The following CCDC85A variants were observed in gnomAD, a reference collection of about 807,000 sequenced individuals.
The protein encoded by CCDC85A is coiled-coil domain-containing protein 85A.
In CCDC85A, 38 loss-of-function variants were observed where a neutral mutation model predicts 50.2. The ratio of observed to expected loss-of-function variants is 0.76; its 90% CI spans 0.58 to 0.99. The LOEUF (loss-of-function observed/expected upper bound fraction) is 0.99, where lower values mean the gene tolerates loss of function less well. Among genes scored for constraint, CCDC85A ranks in the 50% least tolerant of loss-of-function variants. The probability of loss-of-function intolerance (pLI) is 0.00; values close to 1 mark genes in which losing one functional copy is unlikely to be tolerated. For missense variants in CCDC85A, 820 were observed against 742.0 expected, an observed-to-expected ratio of 1.11 and a Z score of -1.22; for synonymous variants, 366 against 301.4, an observed-to-expected ratio of 1.21 and a Z score of -2.22.
At chr2:56,308,612 A>G (rs1454682275) in intron 2 of CCDC85A, among the ~76,000 whole-genome samples, 3 of 152,186 alleles carry the variant, frequency 2.0e-5, no homozygotes, top group East Asian at 1.9e-4. Context: ...CCTACCTTGA[A>G]TATTTGTTGG....
chr2:56,209,720 T>G (rs943852880), intron 2 of CCDC85A, among the ~76,000 whole-genome samples: 1 of 152,112 alleles, frequency 6.6e-6, no homozygotes. Context: ...CAAAATACAG[T>G]GTAAGGGAAG....
At chr2:56,352,046 G>GA (rs1267134770) in intron 3 of CCDC85A, among the ~76,000 whole-genome samples, 2 of 152,110 alleles carry the variant, frequency 1.3e-5, no homozygotes, top group Admixed American at 1.3e-4. Context: ...GTAAGGAAGG[G>GA]ATCCAGTTCC....
intron 2 of CCDC85A, among the ~76,000 whole-genome samples, chr2:56,216,816 T>C (rs1677414048): frequency 6.6e-6 from 1 of 151,746 alleles, no homozygotes; most frequent in Non-Finnish European, 1.5e-5. Context: ...GAGAACTATT[T>C]GCCTGAAATT....
intron 2 of CCDC85A, among the ~76,000 whole-genome samples, chr2:56,268,266 TG>T (rs950847470): frequency 6.6e-6 from 1 of 152,092 alleles, no homozygotes; most frequent in African/African-American, 2.4e-5. Context: ...TCAGGTTTCA[TG>T]GGGCTTGAAA....
chr2:56,301,079 C>T (rs1347437595), intron 2 of CCDC85A, among the ~76,000 whole-genome samples: 2 of 152,082 alleles, frequency 1.3e-5, no homozygotes, highest in African/African-American at 2.4e-5. Context: ...TAAATTTGCA[C>T]CTGAAATATT....
intron 2 of CCDC85A, among the ~76,000 whole-genome samples, chr2:56,336,057 G>A (rs1312111132): frequency 1.3e-5 from 2 of 152,096 alleles, no homozygotes; most frequent in African/African-American, 4.8e-5. Context: ...CCAACACAGA[G>A]ACTAATTCTT....
At chr2:56,381,531 C>A (rs910080398) in intron 5 of CCDC85A, among the ~76,000 whole-genome samples, 14 of 152,044 alleles carry the variant, frequency 9.2e-5, no homozygotes, top group African/African-American at 2.9e-4. Flanking sequence ...AACCCGAACA[C>A]TCTAATTCTA....
chr2:56,273,229 A>G (rs1027277287), intron 2 of CCDC85A, among the ~76,000 whole-genome samples: 1 of 152,144 alleles, frequency 6.6e-6, no homozygotes, highest in Non-Finnish European at 1.5e-5. Context: ...CGGATCTAAT[A>G]TGAATTCTAG....
At chr2:56,320,330 A>G (rs1389116432) in intron 2 of CCDC85A, among the ~76,000 whole-genome samples, 5 of 152,150 alleles carry the variant, frequency 3.3e-5, no homozygotes, top group Admixed American at 3.3e-4. Flanking sequence ...AAACCCTTCA[A>G]AAAAATCAAT....
At chr2:56,249,840 C>A (rs1219123826) in intron 2 of CCDC85A, among the ~76,000 whole-genome samples, 1 of 152,154 alleles carries the variant, frequency 6.6e-6, no homozygotes, top group Non-Finnish European at 1.5e-5. Context: ...CCTTCAGATG[C>A]CCCTTCCTCT....
intron 3 of CCDC85A, among the ~76,000 whole-genome samples, chr2:56,371,262 C>T (rs1372201325): frequency 1.3e-5 from 2 of 152,102 alleles, no homozygotes; most frequent in Non-Finnish European, 2.9e-5. Context: ...GTACCAACTA[C>T]TGGTCATTAT....
At chr2:56,252,835 G>T (rs1219265544) in intron 2 of CCDC85A, among the ~76,000 whole-genome samples, 1 of 151,928 alleles carries the variant, frequency 6.6e-6, no homozygotes, top group Non-Finnish European at 1.5e-5. Flanking sequence ...GAGAATGATG[G>T]TTTCCAGCTT....
chr2:56,205,909 G>A (rs144895730), intron 2 of CCDC85A, among the ~76,000 whole-genome samples: 2 of 152,290 alleles, frequency 1.3e-5, no homozygotes, highest in East Asian at 1.9e-4. Flanking sequence ...GTGAGCCTGG[G>A]AGATGGGTCA....
At chr2:56,236,509 G>A (rs960168040) in intron 2 of CCDC85A, among the ~76,000 whole-genome samples, 1 of 152,172 alleles carries the variant, frequency 6.6e-6, no homozygotes, top group Non-Finnish European at 1.5e-5. Context: ...TGCTGCACAG[G>A]GAAGAGGAAG....
chr2:56,280,945 T>G (rs1183347845), intron 2 of CCDC85A, among the ~76,000 whole-genome samples: 3 of 152,204 alleles, frequency 2.0e-5, no homozygotes, highest in African/African-American at 7.2e-5. Flanking sequence ...CTTACTTTTT[T>G]TAGGTGAAAT....
chr2:56,363,870 G>A (rs1204480560), intron 3 of CCDC85A, among the ~76,000 whole-genome samples: 5 of 152,098 alleles, frequency 3.3e-5, no homozygotes, highest in Non-Finnish European at 5.9e-5. Context: ...CTTACGCTCC[G>A]TGTCCTACTT....
intron 3 of CCDC85A, among the ~76,000 whole-genome samples, chr2:56,362,138 G>A (rs964286271): frequency 6.6e-6 from 1 of 152,170 alleles, no homozygotes; most frequent in Non-Finnish European, 1.5e-5. Flanking sequence ...AGACTATGCA[G>A]TGAATGGCAG....
chr2:56,366,333 CT>C lies in CCDC85A; in HGVS notation c.1318-6010del, dbSNP rs144680926. Reference sequence around the variant, plus strand: ...TGTAATTTTTTGAAGGAACTTCATACTGTTTTCCATAATAGCTATACTTATT... The same window carrying C: ...TGTAATTTTTTGAAGGAACTTCATACGTTTTCCATAATAGCTATACTTATT... On this transcript the variant is annotated intron_variant, in intron 3 of 5. Transcript: ENST00000407595. 2.4e-3 allele frequency among the ~76,000 whole-genome samples: 365 copies of C among 152,290 alleles called. 1 individual carries two copies. Among genetic ancestry groups the C allele is most frequent in the African/African-American group, 8.0e-3 (334 of 41,570 alleles).
chr2:56,311,317 C>G (rs982982315), intron 2 of CCDC85A, among the ~76,000 whole-genome samples: 1 of 152,132 alleles, frequency 6.6e-6, no homozygotes, highest in African/African-American at 2.4e-5. Flanking sequence ...CCTCAGGTCT[C>G]AATGCCTCAA....
Sources: gnomAD v4.1 joint callset for allele counts (sites outside exome capture counted in the v4.1 genomes callset) on GRCh38, gnomAD v4.1.1 for gene constraint, MANE v1.5 for transcripts, NCBI Gene and HGNC (gene_info 2026-07-23, HGNC 2026-07-21) for gene names.